Variants in CACNA1E observed in about 807,000 individuals in gnomAD.
The protein encoded by CACNA1E is calcium voltage-gated channel subunit alpha1 E, also known as voltage-dependent R-type calcium channel subunit alpha-1E.
In CACNA1E, 40 loss-of-function variants were observed where a neutral mutation model predicts 259.2. That is an observed-to-expected ratio of 0.15 (90% CI 0.12 to 0.20). The LOEUF is 0.20. CACNA1E is among the 10% of genes least tolerant of loss of function. CACNA1E has a pLI of 1.00. For synonymous variants in CACNA1E, 1,104 were observed against 1,138.5 expected (o/e 0.97, Z 0.61); for missense variants, 1,874 against 3,040.1 (o/e 0.62, Z 9.02).
At chr1:181,437,851 T>G (rs774147801) in intron 2 of CACNA1E, among the ~76,000 whole-genome samples, 2 of 152,174 alleles carry the variant, frequency 1.3e-5, no homozygotes, top group African/African-American at 4.8e-5. Flanking sequence ...TAAATCCACA[T>G]GTAAATGACT....
At position 181,799,004 on chromosome 1, in the gene CACNA1E, C is replaced by T. The variant is rs1662070779; in HGVS notation, c.*170C>T. Reference sequence around the variant, plus strand: ...GGACAATCAGAACACCAGTCAAACCCACCAAATTGCTTTATTCCCCTTTGC... The same window carrying T: ...GGACAATCAGAACACCAGTCAAACCTACCAAATTGCTTTATTCCCCTTTGC... On this transcript the variant is annotated 3_prime_UTR_variant, in exon 48 of 48. Transcript: ENST00000367573. 3.5e-6 allele frequency: 2 copies of T among 568,364 alleles called. No homozygotes were observed. The highest frequency in any genetic ancestry group is 8.1e-5 in the South Asian group (2 of 24,590). 35.2% of individuals were successfully genotyped at this position (568,364 alleles called of 1,614,324 possible).
intron 2 of CACNA1E, among the ~76,000 whole-genome samples, chr1:181,470,065 G>A (rs1662396003): frequency 6.6e-6 from 1 of 151,448 alleles, no homozygotes; most frequent in Non-Finnish European, 1.5e-5. Context: ...GAGAGAGAGA[G>A]AGTGAGAGAG....
intron 3 of CACNA1E, among the ~76,000 whole-genome samples, chr1:181,558,255 C>G (rs1212788730): frequency 6.6e-6 from 1 of 152,202 alleles, no homozygotes; most frequent in African/African-American, 2.4e-5. Context: ...CCCAGGAACA[C>G]TGTGTTCCTG....
At chr1:181,405,097 T>A (rs1243820820) in intron 1 of CACNA1E, among the ~76,000 whole-genome samples, 1 of 152,204 alleles carries the variant, frequency 6.6e-6, no homozygotes, top group African/African-American at 2.4e-5. Flanking sequence ...AGAGAGGAGA[T>A]TTAATCTGCC....
intron 2 of CACNA1E, among the ~76,000 whole-genome samples, chr1:181,462,958 T>TC (rs55695531): frequency 0.42 from 63,405 of 151,910 alleles, 15,091 homozygotes; most frequent in African/African-American, 0.67. Context: ...AAAATGATCA[T>TC]CTTGTCCATG....
At position 181,793,034 on chromosome 1, in the gene CACNA1E, A is replaced by C. The variant is rs75198505; in HGVS notation, c.5899-631A>C. The stretch of plus-strand genomic sequence containing the variant: ...TATTCAGCTAAATTAAATGTTATTA[A>C]ATTTCACCTTTTACAACATGGTTAA... On this transcript the variant is annotated intron_variant, in intron 44 of 47. Transcript: ENST00000367573. 6.2e-3 allele frequency among the ~76,000 whole-genome samples: 945 copies of C among 152,338 alleles called. 9 individuals are homozygous for C. Among genetic ancestry groups the C allele is most frequent in the African/African-American group, 0.021 (884 of 41,564 alleles).
chr1:181,655,098 T>C (rs996976919), intron 7 of CACNA1E, among the ~76,000 whole-genome samples: 1 of 151,756 alleles, frequency 6.6e-6, no homozygotes, highest in African/African-American at 2.4e-5. Context: ...ACACAAAATA[T>C]ACAGTTTGTG....
chr1:181,790,639 C>A, intron 44 of CACNA1E, 83 bp downstream of exon 44: 1 of 912,858 alleles, frequency 1.1e-6, no homozygotes, highest in South Asian at 1.4e-5. Flanking sequence ...TAGTCATGGT[C>A]CGTCAGGAAA....
intron 2 of CACNA1E, among the ~76,000 whole-genome samples, chr1:181,426,942 A>G (rs925415783): frequency 6.8e-5 from 8 of 116,978 alleles, no homozygotes; most frequent in African/African-American, 2.4e-4. Context: ...ACCGCTGCCC[A>G]TCTCAACCCC....
intron 6 of CACNA1E, among the ~76,000 whole-genome samples, chr1:181,641,703 GTTTTTTTTTT>G (rs751082929): frequency 3.7e-5 from 3 of 81,116 alleles, no homozygotes; most frequent in Admixed American, 1.5e-4. Context: ...CTAATTTTTT[GTTTTTTTTTT>G]TTTTTTTTTT....
chr1:181,370,879 A>G (rs186180603), intron 1 of CACNA1E, among the ~76,000 whole-genome samples: 47 of 152,366 alleles, frequency 3.1e-4, no homozygotes, highest in Admixed American at 2.7e-3. Context: ...GAGCTAATTT[A>G]CATTTCTACC....
At chr1:181,541,741 G>C (rs1668601819) in intron 3 of CACNA1E, among the ~76,000 whole-genome samples, 1 of 152,190 alleles carries the variant, frequency 6.6e-6, no homozygotes, top group Non-Finnish European at 1.5e-5. Flanking sequence ...GAGTATTAGA[G>C]ATCTTGTTTC....
At chr1:181,656,549 A>G (rs562367984) in intron 7 of CACNA1E, among the ~76,000 whole-genome samples, 2 of 152,334 alleles carry the variant, frequency 1.3e-5, no homozygotes, top group South Asian at 4.1e-4. Context: ...CTAAGTTTAT[A>G]AGGTAAAGTT....
chr1:181,491,356 T>A (rs936191933), intron 1 of CACNA1E, among the ~76,000 whole-genome samples: 1 of 152,198 alleles, frequency 6.6e-6, no homozygotes, highest in African/African-American at 2.4e-5. Context: ...AAATACAGAT[T>A]ACTACCCCCC....
intron 6 of CACNA1E, among the ~76,000 whole-genome samples, chr1:181,629,323 T>C (rs1656484202): frequency 6.6e-6 from 1 of 152,194 alleles, no homozygotes; most frequent in Non-Finnish European, 1.5e-5. Flanking sequence ...GCAACATGTA[T>C]TTTTCTAATG....
At chr1:181,610,734 G>A (rs1203323624) in intron 6 of CACNA1E, among the ~76,000 whole-genome samples, 12 of 152,154 alleles carry the variant, frequency 7.9e-5, no homozygotes, top group Admixed American at 7.9e-4. Flanking sequence ...AGCCACATTG[G>A]AGCATCTTGG....
intron 16 of CACNA1E, among the ~76,000 whole-genome samples, chr1:181,722,102 T>C (rs1278676398): frequency 6.6e-6 from 1 of 152,206 alleles, no homozygotes; most frequent in Non-Finnish European, 1.5e-5. Context: ...CTGTAGTGTA[T>C]GCAAAGAATA....
chr1:181,377,313 G>A (rs1254409301), intron 1 of CACNA1E, among the ~76,000 whole-genome samples: 1 of 152,168 alleles, frequency 6.6e-6, no homozygotes, highest in African/African-American at 2.4e-5. Context: ...TAGAATTCTG[G>A]AATTCTAAGT....
intron 6 of CACNA1E, among the ~76,000 whole-genome samples, chr1:181,648,852 T>C (rs1415134942): frequency 6.6e-6 from 1 of 152,238 alleles, no homozygotes; most frequent in Non-Finnish European, 1.5e-5. Flanking sequence ...ATCTGGGTGC[T>C]GGGTGTAGAC....
Sources: allele counts gnomAD v4.1 joint callset (sites outside exome capture counted in the v4.1 genomes callset), GRCh38; gene constraint gnomAD v4.1.1; transcripts MANE v1.5; gene names NCBI Gene and HGNC (gene_info 2026-07-23, HGNC 2026-07-21).